ZNF541: variants seen among roughly 807,000 people sequenced by gnomAD.
ZNF541 encodes the protein zinc finger protein 541.
In ZNF541, 23 loss-of-function variants were observed where a neutral mutation model predicts 123.5. That is an observed-to-expected ratio of 0.19 (90% CI 0.13 to 0.26). The LOEUF (loss-of-function observed/expected upper bound fraction) is 0.26. Ranked by LOEUF, ZNF541 falls within the 10% of genes least tolerant of loss-of-function variation. The probability of loss-of-function intolerance (pLI) is 1.00; values close to 1 mark genes in which losing one functional copy is unlikely to be tolerated. For synonymous variants in ZNF541, 751 were observed against 754.5 expected (o/e 1.00, Z 0.08); for missense variants, 1,612 against 1,789.9 (o/e 0.90, Z 1.79).
At chr19:47,554,686 A>C (rs1970739415) in intron 3 of ZNF541, among the ~76,000 whole-genome samples, 2 of 152,164 alleles carry the variant, frequency 1.3e-5, no homozygotes, top group African/African-American at 4.8e-5. Flanking sequence ...AATGGGAAGG[A>C]AAGTCTTCAG....
Position 47,545,532 on chromosome 19 carries a change from C to G in ZNF541, c.997G>C (p.Glu333Gln). The change falls in exon 5 of 17, where the codon GAG becomes CAG. Residue 333 changes from glutamate (E) to glutamine (Q), a missense_variant. By Grantham distance (29) the Glu-to-Gln change is conservative. Transcript: ENST00000391901. This position sits in a 1 kb window ranked among gnomAD's most constrained non-coding sequence, Gnocchi z 7.5. ...GGGAGGCAAGGCTCCTCGGGAAGCT[C>G]GGTGTCCAGCGCTGCTGGGGCCGCG... is the stretch of plus-strand genomic sequence containing the variant. ...PHAAPAALDT[E>Q]LPEEPCLPQK... 1 of 1,520,058 alleles carries G rather than the reference C, an allele frequency of 6.6e-7. No homozygotes were observed. 94.2% of individuals were successfully genotyped at this position (1,520,058 alleles called of 1,614,324 possible).
chr19:47,543,103 C>T (rs1243022144), intron 5 of ZNF541, among the ~76,000 whole-genome samples: 2 of 151,906 alleles, frequency 1.3e-5, no homozygotes, highest in Non-Finnish European at 2.9e-5. Context: ...AGCGAGACCC[C>T]CTCCATCTCT....
chr19:47,523,591 C>T (rs566775026), intron 14 of ZNF541, among the ~76,000 whole-genome samples: 14 of 152,248 alleles, frequency 9.2e-5, no homozygotes, highest in Admixed American at 2.6e-4. Flanking sequence ...TTTACCCTCT[C>T]GTCCAAAACA....
At chr19:47,528,889 G>A (rs1969433246) in intron 14 of ZNF541, 61 bp downstream of exon 14, 2 of 1,407,962 alleles carry the variant, frequency 1.4e-6, no homozygotes, top group Admixed American at 4.0e-5. Flanking sequence ...CAGCCCTGCA[G>A]CTCTAGCTTG....
chr19:47,538,729 A>G (rs144519321), intron 8 of ZNF541, among the ~76,000 whole-genome samples: 442 of 152,248 alleles, frequency 2.9e-3, no homozygotes, highest in Non-Finnish European at 5.4e-3. Flanking sequence ...AGAGATCCCC[A>G]GAGATACAGT....
chr19:47,554,699 A>T (rs1356510107), intron 3 of ZNF541, among the ~76,000 whole-genome samples: 1 of 152,180 alleles, frequency 6.6e-6, no homozygotes, highest in Non-Finnish European at 1.5e-5. Context: ...GTCTTCAGTA[A>T]ATGCTAACAT....
rs751958072 is a variant in ZNF541, at chr19:47,521,118, G to C, written c.*106C>G. The C allele has an allele frequency of 2.8e-6, 4 of 1,406,338 alleles. No homozygotes were observed. The African/African-American group carries it at 5.7e-5, about 20-fold the overall frequency. 87.1% of individuals were successfully genotyped at this position (1,406,338 alleles called of 1,614,324 possible). A position where few individuals can be genotyped will look rare whatever the true frequency, so the allele number is the denominator to read the frequency against. On this transcript the variant is annotated 3_prime_UTR_variant, in exon 17 of 17. Transcript: ENST00000391901. The surrounding 1 kb of genome is among the most constrained non-coding windows in gnomAD (Gnocchi z 4.2). ...TTTGCAGGCAGGTTGGCCAACAGGG[G>C]ACAGGGAGGGTGGGGGGAGGCAGAG...
intron 2 of ZNF541, among the ~76,000 whole-genome samples, chr19:47,556,760 C>CT (rs34476455): frequency 0.19 from 25,356 of 136,576 alleles, 4,182 homozygotes; most frequent in African/African-American, 0.45. Context: ...TTTTCTTTTC[C>CT]TTTTTTTTTT....
chr19:47,528,268 T>C (rs1482726847), intron 14 of ZNF541, among the ~76,000 whole-genome samples: 1 of 141,398 alleles, frequency 7.1e-6, no homozygotes, highest in African/African-American at 2.6e-5. Context: ...TGAGCCAAGA[T>C]TGCGCCACTG....
At chr19:47,543,505 G>A (rs1343222833) in intron 5 of ZNF541, among the ~76,000 whole-genome samples, 1 of 151,828 alleles carries the variant, frequency 6.6e-6, no homozygotes, top group Non-Finnish European at 1.5e-5. Context: ...ATCTTTAAAG[G>A]AAAGAGAGCA....
intron 14 of ZNF541, among the ~76,000 whole-genome samples, chr19:47,523,977 G>C (rs973357725): frequency 6.6e-6 from 1 of 152,198 alleles, no homozygotes; most frequent in Non-Finnish European, 1.5e-5. Flanking sequence ...AAGGATGAGA[G>C]GGGAAAGTGT....
At chr19:47,528,545 G>A (rs1159398437) in intron 14 of ZNF541, among the ~76,000 whole-genome samples, 1 of 151,872 alleles carries the variant, frequency 6.6e-6, no homozygotes, top group Non-Finnish European at 1.5e-5. Context: ...TTGAACTCCT[G>A]ATCTCAAGTG....
chr19:47,531,390 C>T (rs1402385022), intron 12 of ZNF541, among the ~76,000 whole-genome samples: 1 of 152,006 alleles, frequency 6.6e-6, no homozygotes, highest in Non-Finnish European at 1.5e-5. Flanking sequence ...CTCCAGTGCC[C>T]CCTGAGATCT....
intron 10 of ZNF541, among the ~76,000 whole-genome samples, 191 bp from the exon 11 acceptor site, chr19:47,532,461 G>T (rs1194249642): frequency 6.6e-6 from 1 of 152,108 alleles, no homozygotes; most frequent in Non-Finnish European, 1.5e-5. Flanking sequence ...CTTCTGCAGG[G>T]ACACTTCCTC....
At chr19:47,564,808 G>C (rs75420038) in intron 2 of ZNF541, among the ~76,000 whole-genome samples, 1 of 152,114 alleles carries the variant, frequency 6.6e-6, no homozygotes. Flanking sequence ...TCACTCCTGG[G>C]TATCTACCCA....
At position 47,521,059 on chromosome 19, in the gene ZNF541, C is replaced by T. The variant is rs1969000310; in HGVS notation, c.*165G>A. 3.7e-6 allele frequency: 3 copies of T among 808,120 alleles called. No homozygotes were observed. The highest frequency in any genetic ancestry group is 2.8e-5 in the Admixed American group (1 of 35,390). 50.1% of individuals were successfully genotyped at this position (808,120 alleles called of 1,614,324 possible). On this transcript the variant is annotated 3_prime_UTR_variant, in exon 17 of 17. Transcript: ENST00000391901. This position sits in a 1 kb window ranked among gnomAD's most constrained non-coding sequence, Gnocchi z 4.2. ...TGCATAGCTGTCCGACAACTGAGCT[C>T]CTCCTGCCTATCTGTGGCCAAATGC...
At chr19:47,531,558 G>T in intron 12 of ZNF541, 84 bp downstream of exon 12, 3 of 1,113,924 alleles carry the variant, frequency 2.7e-6, no homozygotes, top group Non-Finnish European at 3.7e-6. Flanking sequence ...CATCCGCTCT[G>T]AACCCCCAAG....
chr19:47,526,496 A>AAAG (rs1555766748), intron 14 of ZNF541, among the ~76,000 whole-genome samples: 4 of 137,366 alleles, frequency 2.9e-5, no homozygotes, highest in Non-Finnish European at 3.0e-5. Context: ...AAAAAAAAAA[A>AAAG]AAAAGAAAAC....
intron 2 of ZNF541, among the ~76,000 whole-genome samples, chr19:47,556,760 CT>C (rs34476455): frequency 2.0e-3 from 274 of 136,574 alleles, no homozygotes; most frequent in South Asian, 4.2e-3. Flanking sequence ...TTTTCTTTTC[CT>C]TTTTTTTTTT....
Sources: gnomAD v4.1 joint callset for allele counts (sites outside exome capture counted in the v4.1 genomes callset) on GRCh38, gnomAD v4.1.1 for gene constraint, Gnocchi (gnomAD v3.1) non-coding constraint, MANE v1.5 for transcripts, NCBI Gene and HGNC (gene_info 2026-07-23, HGNC 2026-07-21) for gene names.